The following AGBL4 variants were observed in gnomAD, a reference collection of about 807,000 sequenced individuals.
The protein encoded by AGBL4 is cytosolic carboxypeptidase 6.
In AGBL4, 58 loss-of-function variants were observed where a neutral mutation model predicts 66.4. The observed-to-expected ratio is 0.87, with a 90% confidence interval of 0.71 to 1.09. AGBL4 has a LOEUF of 1.09. Among genes scored for constraint, AGBL4 ranks in the 50% least tolerant of loss-of-function variants. The pLI is 0.00. For synonymous variants in AGBL4, 234 were observed against 222.9 expected (o/e 1.05, Z -0.44); for missense variants, 579 against 631.0 (o/e 0.92, Z 0.88).
intron 1 of AGBL4, among the ~76,000 whole-genome samples, chr1:49,934,907 C>T (rs982486636): frequency 6.6e-6 from 1 of 152,006 alleles, no homozygotes; most frequent in Non-Finnish European, 1.5e-5. Flanking sequence ...GTGAGCGATA[C>T]AGAAAACAGG....
chr1:49,680,190 A>G (rs1646663509), intron 3 of AGBL4, among the ~76,000 whole-genome samples: 1 of 151,114 alleles, frequency 6.6e-6, no homozygotes, highest in Non-Finnish European at 1.5e-5. Flanking sequence ...AGCTGGGACT[A>G]CAGGCATGCA....
chr1:48,999,005 GT>G (rs1319806407), intron 5 of AGBL4, among the ~76,000 whole-genome samples: 1 of 152,164 alleles, frequency 6.6e-6, no homozygotes, highest in African/African-American at 2.4e-5. Flanking sequence ...CAGAGACAGA[GT>G]TTACTTCCAT....
At chr1:49,568,598 A>G (rs1373049686) in intron 3 of AGBL4, among the ~76,000 whole-genome samples, 1 of 151,880 alleles carries the variant, frequency 6.6e-6, no homozygotes, top group Non-Finnish European at 1.5e-5. Context: ...TATAAATTCA[A>G]TGCTATCCCT....
At chr1:49,729,403 A>G (rs1008407899) in intron 2 of AGBL4, among the ~76,000 whole-genome samples, 10 of 152,198 alleles carry the variant, frequency 6.6e-5, no homozygotes, top group African/African-American at 2.4e-4. Flanking sequence ...AAGAAACCGA[A>G]TTTTATATTT....
At chr1:49,637,118 T>C (rs1466262193) in intron 3 of AGBL4, among the ~76,000 whole-genome samples, 1 of 152,150 alleles carries the variant, frequency 6.6e-6, no homozygotes, top group Non-Finnish European at 1.5e-5. Flanking sequence ...TCTTCAGTTT[T>C]GGGACTGGGA....
chr1:48,571,146 C>G (rs139535889), intron 11 of AGBL4, among the ~76,000 whole-genome samples: 16 of 152,346 alleles, frequency 1.1e-4, no homozygotes, highest in Admixed American at 7.8e-4. Flanking sequence ...TGTACCATTA[C>G]TTGTATTCAA....
At chr1:48,779,863 G>A (rs1388565557) in intron 6 of AGBL4, among the ~76,000 whole-genome samples, 6 of 151,624 alleles carry the variant, frequency 4.0e-5, no homozygotes, top group South Asian at 2.1e-4. Flanking sequence ...ACAGGTGCTC[G>A]CCACCACGCC....
chr1:48,960,757 C>T (rs1163258396), intron 5 of AGBL4, among the ~76,000 whole-genome samples: 1 of 152,188 alleles, frequency 6.6e-6, no homozygotes, highest in African/African-American at 2.4e-5. Context: ...ATATATTCTG[C>T]TATAGAGTTA....
rs1652823632 is a variant in AGBL4, at chr1:49,926,791, G to A, written c.35-75273C>T. Reference sequence around the variant, plus strand: ...ATCTGGGTCTCTTAATACCAGAATTGATCAGGCAAAGGAAAAAATTAGTAA... The same window carrying A: ...ATCTGGGTCTCTTAATACCAGAATTAATCAGGCAAAGGAAAAAATTAGTAA... On this transcript the variant is annotated intron_variant, in intron 1 of 13. Transcript: ENST00000371839. Among the ~76,000 whole-genome samples the A allele has an allele frequency of 2.6e-5, 4 of 152,110 alleles. No homozygotes were observed. The South Asian group carries it at 8.3e-4, about 32-fold the overall frequency.
intron 5 of AGBL4, among the ~76,000 whole-genome samples, chr1:49,029,482 G>A (rs1285356564): frequency 1.3e-5 from 2 of 152,068 alleles, no homozygotes; most frequent in African/African-American, 4.8e-5. Context: ...AACAAAATAA[G>A]TACAAACCTT....
chr1:49,999,480 AAT>A, intron 1 of AGBL4, among the ~76,000 whole-genome samples: 1 of 152,176 alleles, frequency 6.6e-6, no homozygotes, highest in Admixed American at 6.5e-5. Context: ...GCATAGAATC[AAT>A]ACTGCAAAAC....
chr1:49,176,140 G>A (rs1218845386), intron 4 of AGBL4, among the ~76,000 whole-genome samples: 1 of 152,052 alleles, frequency 6.6e-6, no homozygotes, highest in Non-Finnish European at 1.5e-5. Context: ...CGGTGGTGGT[G>A]ATGATGATGA....
At chr1:49,299,324 G>A (rs1374380556) in intron 3 of AGBL4, among the ~76,000 whole-genome samples, 2 of 152,188 alleles carry the variant, frequency 1.3e-5, no homozygotes, top group African/African-American at 4.8e-5. Context: ...AGGTAACACA[G>A]CTTGTGGTAG....
chr1:49,095,350 G>C (rs914353058), intron 4 of AGBL4, among the ~76,000 whole-genome samples: 4 of 152,050 alleles, frequency 2.6e-5, no homozygotes, highest in Admixed American at 6.6e-5. Context: ...AGTTCATATG[G>C]AACCAAAAAC....
intron 5 of AGBL4, among the ~76,000 whole-genome samples, chr1:48,934,074 G>T (rs1655258102): frequency 1.3e-5 from 2 of 152,286 alleles, no homozygotes; most frequent in African/African-American, 4.8e-5. Flanking sequence ...CTACAGAAAG[G>T]TTTAATTCCC....
intron 3 of AGBL4, among the ~76,000 whole-genome samples, chr1:49,421,253 C>A (rs1274191164): frequency 1.3e-5 from 2 of 152,000 alleles, no homozygotes; most frequent in African/African-American, 4.8e-5. Context: ...TTCATATGCT[C>A]AAGTACAAGC....
Position 48,771,278 on chromosome 1 carries a change from C to G in AGBL4, c.634+95913G>C, listed in dbSNP as rs546686192. The stretch of plus-strand genomic sequence containing the variant: ...GCTTATAAGACAAAGCAGGTAGGCA[C>G]ACTAGAAAGAGAATTGGTCTTGGTG... On this transcript the variant is annotated intron_variant, in intron 6 of 13. Coordinates refer to ENST00000371839, the MANE Select transcript of AGBL4 (RefSeq NM_032785.4). Among the ~76,000 whole-genome samples, 59 of 152,292 alleles carry G rather than the reference C, an allele frequency of 3.9e-4. No homozygotes were observed. The Middle Eastern group carries it at 0.01, about 26-fold the overall frequency.
Position 48,759,376 on chromosome 1 carries a change from C to A in AGBL4, c.635-96135G>T. 3 of 1,473,378 alleles carry A rather than the reference C, an allele frequency of 2.0e-6. No homozygotes were observed. The East Asian group carries it at 7.5e-5, about 37-fold the overall frequency. 91.3% of individuals were successfully genotyped at this position (1,473,378 alleles called of 1,614,324 possible). ...ATTTCCCCAGACAATCCTAAAATCA[C>A]AGAATCACAGAACATCAGTGCTTGG... On this transcript the variant is annotated intron_variant, in intron 6 of 13. Transcript: ENST00000371839.
intron 1 of AGBL4, among the ~76,000 whole-genome samples, chr1:49,940,773 G>A (rs1654671938): frequency 6.6e-6 from 1 of 151,938 alleles, no homozygotes; most frequent in African/African-American, 2.4e-5. Flanking sequence ...AATGGGTGCA[G>A]CACACCAGCA....
Sources: gnomAD v4.1 joint callset for allele counts (sites outside exome capture counted in the v4.1 genomes callset) on GRCh38, gnomAD v4.1.1 for gene constraint, MANE v1.5 for transcripts, NCBI Gene and HGNC (gene_info 2026-07-23, HGNC 2026-07-21) for gene names.